ZNF395: variants seen among roughly 807,000 people sequenced by gnomAD.
ZNF395 encodes HD gene regulatory region-binding protein 2.
A neutral mutation model predicts 57.7 loss-of-function variants in ZNF395; 20 were observed. That is an observed-to-expected ratio of 0.35 (90% CI 0.24 to 0.50). The LOEUF is 0.50. ZNF395 is among the 20% of genes least tolerant of loss of function. ZNF395 has a pLI of 0.97. For missense variants in ZNF395, 606 were observed against 671.2 expected, an observed-to-expected ratio of 0.90 and a Z score of 1.07; for synonymous variants, 295 against 275.9, an observed-to-expected ratio of 1.07 and a Z score of -0.69.
At chr8:28,377,126 A>G (rs1381503259) in intron 1 of ZNF395, among the ~76,000 whole-genome samples, 1 of 152,252 alleles carries the variant, frequency 6.6e-6, no homozygotes. Context: ...GAGGAATCTA[A>G]AAGTTTTAAA....
intron 1 of ZNF395, among the ~76,000 whole-genome samples, chr8:28,374,794 T>C (rs895526711): frequency 1.3e-5 from 2 of 152,226 alleles, no homozygotes; most frequent in African/African-American, 4.8e-5. Flanking sequence ...AACCCAGCAC[T>C]GCAGCACTCC....
chr8:28,360,576 G>A (rs1044121000), intron 2 of ZNF395, among the ~76,000 whole-genome samples: 1 of 152,236 alleles, frequency 6.6e-6, no homozygotes, highest in Non-Finnish European at 1.5e-5. Context: ...GTTGCAAACT[G>A]AGACAGATTA....
chr8:28,349,638 G>A (rs2129936211), intron 8 of ZNF395, among the ~76,000 whole-genome samples: 1 of 152,350 alleles, frequency 6.6e-6, no homozygotes, highest in South Asian at 2.1e-4. Flanking sequence ...GCTTACTTGA[G>A]TTGGGGGTCC....
intron 4 of ZNF395, among the ~76,000 whole-genome samples, chr8:28,355,516 C>T (rs977429915): frequency 8.6e-5 from 13 of 151,292 alleles, no homozygotes; most frequent in African/African-American, 3.2e-4. Flanking sequence ...GATGCTTCTA[C>T]GTTGATGTGC....
chr8:28,349,225 G>A lies in ZNF395; in HGVS notation c.1330C>T (p.Arg444Trp), dbSNP rs142303877. The change falls in exon 9 of 10, where the codon CGG (arginine) becomes TGG (tryptophan). Residue 444 changes from arginine (R) to tryptophan (W), a missense_variant. Arg to Trp is a moderately radical substitution (Grantham distance 101). Around this residue, in one of 3 missense-constraint regions of ZNF395, gnomAD observed 261 missense variants for 240.3 expected, o/e 1.09. Coordinates refer to ENST00000344423, the MANE Select transcript of ZNF395 (RefSeq NM_018660.3). ...TCGCTGAAGCTTAGCGACCGGCTCC[G>A]GACCTGGGCGTGGGGAGAGGGGCTG... ...PSAACSLSPV[R>W]SRSLSFSEPQ... 4.5e-6 allele frequency: 7 copies of A among 1,540,382 alleles called. No individual in the cohort carries two copies. The highest frequency in any genetic ancestry group is 1.4e-5 in the African/African-American group (1 of 72,510).
chr8:28,382,753 A>C (rs776408232), intron 1 of ZNF395, among the ~76,000 whole-genome samples: 1 of 152,212 alleles, frequency 6.6e-6, no homozygotes, highest in Non-Finnish European at 1.5e-5. Flanking sequence ...GTAGCTCTTC[A>C]AACAGCTTAA....
Position 28,347,116 on chromosome 8 carries a change from C to T in ZNF395, c.*1603G>A, listed in dbSNP as rs1247779960. On this transcript the variant is annotated 3_prime_UTR_variant, in exon 10 of 10. Coordinates refer to ENST00000344423, the MANE Select transcript of ZNF395 (RefSeq NM_018660.3). ...ACTCAAAGTGTCCTGCATTAAAAAG[C>T]ACGTGTCTATTTCCTACGTGAAGGG... The T allele has an allele frequency of 6.6e-6, 1 of 152,194 alleles. No homozygotes were observed. The highest frequency in any genetic ancestry group is 6.5e-5 in the Admixed American group (1 of 15,282). The allele number at this position is 152,194 out of a possible 1,614,324, so 9.4% of individuals were successfully genotyped here. A position where few individuals can be genotyped will look rare whatever the true frequency, so the allele number is the denominator to read the frequency against.
Position 28,356,788 on chromosome 8 carries a change from A to G in ZNF395, c.474-9T>C. 6.2e-7 allele frequency: 1 copy of G among 1,611,542 alleles called. No homozygotes were observed. Among genetic ancestry groups the G allele is most frequent in the South Asian group, 1.1e-5 (1 of 90,880 alleles). On this transcript the variant is annotated splice_polypyrimidine_tract_variant and intron_variant, in intron 3 of 9. Transcript: ENST00000344423. This position sits in a 1 kb window ranked among gnomAD's most constrained non-coding sequence, Gnocchi z 4.0. ...CCACTGCGTCCGACTTCCTGGATTC[A>G]CACGGATGAGTGGGAAATGTTACTT...
At chr8:28,384,668 C>T (rs532072548) in intron 1 of ZNF395, among the ~76,000 whole-genome samples, 1 of 152,244 alleles carries the variant, frequency 6.6e-6, no homozygotes, top group South Asian at 2.1e-4. Flanking sequence ...ACTTTCTTCT[C>T]CTCTTGTCTT....
At chr8:28,381,320 C>T (rs1258554339) in intron 1 of ZNF395, among the ~76,000 whole-genome samples, 4 of 152,122 alleles carry the variant, frequency 2.6e-5, no homozygotes, top group Non-Finnish European at 4.4e-5. Context: ...GGATAACAGG[C>T]GTGAGCCACC....
At chr8:28,354,740 A>T (rs1211738048) in intron 4 of ZNF395, among the ~76,000 whole-genome samples, 2 of 152,194 alleles carry the variant, frequency 1.3e-5, no homozygotes, top group East Asian at 3.8e-4. Context: ...TGCTTAAAAA[A>T]GGGTACACCT....
chr8:28,370,495 A>G (rs1801964413), intron 1 of ZNF395, among the ~76,000 whole-genome samples: 1 of 152,228 alleles, frequency 6.6e-6, no homozygotes, highest in South Asian at 2.1e-4. Context: ...AACAGGCTGA[A>G]TGAGAGTTCA....
chr8:28,350,261 G>T (rs755867602), intron 7 of ZNF395, 105 bp from the exon 8 acceptor site: 3 of 947,806 alleles, frequency 3.2e-6, no homozygotes, highest in Non-Finnish European at 4.8e-6. Flanking sequence ...GCATCTCTGC[G>T]TAAGTGCAAT....
At position 28,359,851 on chromosome 8, in the gene ZNF395, G is replaced by C; in HGVS notation, c.241-27C>G. 1 of 1,607,288 alleles carries C rather than the reference G, an allele frequency of 6.2e-7. No individual in the cohort carries two copies. On this transcript the variant is annotated intron_variant, in intron 2 of 9. Coordinates refer to ENST00000344423, the MANE Select transcript of ZNF395 (RefSeq NM_018660.3). This position sits in a 1 kb window ranked among gnomAD's most constrained non-coding sequence, Gnocchi z 4.7. The stretch of plus-strand genomic sequence containing the variant: ...TGTGGGAAGAGGGACAGCAGTTAGT[G>C]GTCAGCCCTGGATGGGTCTCGCCCT...
intron 9 of ZNF395, 77 bp downstream of exon 9, chr8:28,349,048 T>C (rs905762046): frequency 1.8e-5 from 26 of 1,406,418 alleles, no homozygotes; most frequent in Non-Finnish European, 2.4e-5. Context: ...TGACTTCATC[T>C]GGGTGGGGTC....
At chr8:28,366,218 C>A (rs1387582938) in intron 1 of ZNF395, among the ~76,000 whole-genome samples, 1 of 152,176 alleles carries the variant, frequency 6.6e-6, no homozygotes, top group African/African-American at 2.4e-5. Context: ...AACCCTCCTG[C>A]CAAGAGCTTC....
intron 1 of ZNF395, among the ~76,000 whole-genome samples, chr8:28,373,411 A>G (rs1801999852): frequency 6.6e-6 from 1 of 152,248 alleles, no homozygotes; most frequent in Non-Finnish European, 1.5e-5. Context: ...TTCTTCTGTA[A>G]TTAACATAAA....
chr8:28,382,965 T>C (rs1222622102), intron 1 of ZNF395, among the ~76,000 whole-genome samples: 1 of 152,210 alleles, frequency 6.6e-6, no homozygotes, highest in African/African-American at 2.4e-5. Context: ...ATATACATGA[T>C]TGTATGTACT....
Position 28,359,644 on chromosome 8 carries a change from C to A in ZNF395, c.421G>T (p.Ala141Ser). The A allele has an allele frequency of 6.2e-7, 1 of 1,612,890 alleles. No homozygotes were observed. The highest frequency in any genetic ancestry group is 8.5e-7 in the Non-Finnish European group (1 of 1,179,238). ...ACGGGCCTGTAGGCCAGGGCCTGGG[C>A]TCCGGGCTCCAGGGGTGGTGCCTGG... ...CPQAPPLEPG[A>S]QALAYRPVSR... is the part of the protein sequence containing the mutation. The change falls in exon 3 of 10, where the codon GCC becomes TCC. Residue 141 changes from alanine to serine, a missense_variant. Coordinates refer to ENST00000344423, the MANE Select transcript of ZNF395 (RefSeq NM_018660.3). The surrounding 1 kb of genome is among the most constrained non-coding windows in gnomAD (Gnocchi z 4.7).
Sources: gnomAD v4.1 joint callset for allele counts (sites outside exome capture counted in the v4.1 genomes callset) on GRCh38, gnomAD v4.1.1 for gene constraint, gnomAD v4.1.1 regional missense constraint, Gnocchi (gnomAD v3.1) non-coding constraint, MANE v1.5 for transcripts, NCBI Gene and HGNC (gene_info 2026-07-23, HGNC 2026-07-21) for gene names.